Variants in LDAH observed in about 807,000 individuals in gnomAD.
LDAH encodes lipid droplet-associated hydrolase.
Under a neutral mutation model 29.6 loss-of-function variants are expected in LDAH, and 26 were observed. The observed-to-expected ratio is 0.88, with a 90% CI of 0.64 to 1.22. The LOEUF (loss-of-function observed/expected upper bound fraction) is 1.22, where lower values mean the gene tolerates loss of function less well. LDAH is among the 50% of genes most tolerant of loss of function. The probability of loss-of-function intolerance (pLI) is 0.00; values close to 1 mark genes in which losing one functional copy is unlikely to be tolerated. For missense variants in LDAH, 344 were observed against 387.3 expected (o/e 0.89, Z 0.94); for synonymous variants, 117 against 133.0 (o/e 0.88, Z 0.83).
chr2:20,806,603 C>G (rs1166528115), intron 1 of LDAH, among the ~76,000 whole-genome samples: 4 of 151,628 alleles, frequency 2.6e-5, no homozygotes, highest in Non-Finnish European at 5.9e-5. Context: ...CCATTGAGAA[C>G]AATTAGAAAA....
chr2:20,684,646 C>G lies in LDAH; in HGVS notation c.*2257G>C. 1 of 403,018 alleles carries G rather than the reference C, an allele frequency of 2.5e-6. No individual in the cohort carries two copies. The highest frequency in any genetic ancestry group is 4.4e-6 in the Non-Finnish European group (1 of 227,616). 25.0% of individuals were successfully genotyped at this position (403,018 alleles called of 1,614,324 possible). A position where few individuals can be genotyped will look rare whatever the true frequency, so the allele number is the denominator to read the frequency against. ...CGTATGGTGAGAGGCCCTTGGTGGC[C>G]ATGGACATCAGGCCACACAAGCCAC... On this transcript the variant is annotated 3_prime_UTR_variant, in exon 7 of 7. Coordinates refer to ENST00000237822, the MANE Select transcript of LDAH (RefSeq NM_021925.4).
intron 1 of LDAH, among the ~76,000 whole-genome samples, chr2:20,817,234 A>G (rs369435248): frequency 6.6e-6 from 1 of 152,118 alleles, no homozygotes; most frequent in African/African-American, 2.4e-5. Flanking sequence ...AAAAATAGAC[A>G]AAGATGAAAT....
downstream of LDAH, among the ~76,000 whole-genome samples, chr2:20,682,720 G>T (rs931193571): frequency 5.9e-5 from 9 of 152,198 alleles, no homozygotes; most frequent in African/African-American, 7.2e-5. Context: ...GACACTTCCT[G>T]TTAGGACCCA....
rs76314044 is a variant in LDAH at position 20,776,236 on chromosome 2, T to G, written c.299-1257A>C. On this transcript the variant is annotated intron_variant, in intron 3 of 6. Coordinates refer to ENST00000237822, the MANE Select transcript of LDAH (RefSeq NM_021925.4). Reference sequence around the variant, plus strand: ...CTGTTTTGTTTGTATATGGTTTTTTTTGTGTGTGTGTGTGCTCATCTCCCC... The same window carrying G: ...CTGTTTTGTTTGTATATGGTTTTTTGTGTGTGTGTGTGTGCTCATCTCCCC... 4.3e-3 allele frequency among the ~76,000 whole-genome samples: 651 copies of G among 152,080 alleles called. 10 individuals are homozygous for G. Among genetic ancestry groups the G allele is most frequent in the Admixed American group, 0.025 (380 of 15,264 alleles).
At chr2:20,694,067 A>G (rs1215401584) in intron 6 of LDAH, among the ~76,000 whole-genome samples, 2 of 152,276 alleles carry the variant, frequency 1.3e-5, no homozygotes. Flanking sequence ...TTGTTTGTGA[A>G]AAAAGCAAAA....
intron 4 of LDAH, among the ~76,000 whole-genome samples, chr2:20,764,784 G>A (rs911951085): frequency 3.5e-4 from 53 of 152,196 alleles, no homozygotes; most frequent in Non-Finnish European, 8.8e-5. Flanking sequence ...CAGGTAGTGG[G>A]AAAGTTAGAA....
At chr2:20,804,973 CT>C (rs1265138589) in intron 1 of LDAH, among the ~76,000 whole-genome samples, 3 of 152,104 alleles carry the variant, frequency 2.0e-5, no homozygotes, top group African/African-American at 7.2e-5. Flanking sequence ...AAGTTCTGAC[CT>C]TTATAATGTG....
chr2:20,810,308 C>T (rs1672380597), intron 1 of LDAH, among the ~76,000 whole-genome samples: 1 of 152,214 alleles, frequency 6.6e-6, no homozygotes, highest in South Asian at 2.1e-4. Context: ...GCTACTTAAG[C>T]TTCTTCAGAA....
chr2:20,686,660 G>T lies in LDAH; in HGVS notation c.*243C>A. The T allele has an allele frequency of 3.3e-6, 1 of 304,224 alleles. No individual in the cohort carries two copies. The allele number at this position is 304,224 out of a possible 1,614,324, so 18.8% of individuals were successfully genotyped here. ...CACTGGGCATCTTGTGCAAACACAA[G>T]ACTCTGTGTAGATCACTGTGTTCCC... On this transcript the variant is annotated 3_prime_UTR_variant, in exon 7 of 7. Transcript: ENST00000237822.
At chr2:20,769,479 C>T (rs187839928) in intron 4 of LDAH, among the ~76,000 whole-genome samples, 2 of 152,316 alleles carry the variant, frequency 1.3e-5, no homozygotes, top group Admixed American at 1.3e-4. Context: ...TTCTTACAAG[C>T]ATGTCTTACT....
chr2:20,817,617 C>T (rs1672938534), intron 1 of LDAH, among the ~76,000 whole-genome samples: 2 of 152,058 alleles, frequency 1.3e-5, no homozygotes, highest in Non-Finnish European at 2.9e-5. Context: ...AGTATTAATT[C>T]ACTAAACATA....
downstream of LDAH, among the ~76,000 whole-genome samples, chr2:20,683,652 A>G (rs1166368062): frequency 6.6e-6 from 1 of 152,248 alleles, no homozygotes; most frequent in African/African-American, 2.4e-5. Flanking sequence ...CAAAATGCTG[A>G]CTGCTAGAAT....
intron 4 of LDAH, among the ~76,000 whole-genome samples, chr2:20,751,963 C>T (rs988029300): frequency 6.6e-6 from 1 of 152,136 alleles, no homozygotes; most frequent in African/African-American, 2.4e-5. Flanking sequence ...ATGATAACAG[C>T]TCACAGCAGC....
At chr2:20,812,695 A>G (rs1042137104) in intron 1 of LDAH, among the ~76,000 whole-genome samples, 1 of 152,250 alleles carries the variant, frequency 6.6e-6, no homozygotes, top group South Asian at 2.1e-4. Flanking sequence ...AACAGGCATT[A>G]ACTAAGACAT....
chr2:20,762,916 A>G (rs1269106852), intron 4 of LDAH, among the ~76,000 whole-genome samples: 3 of 152,220 alleles, frequency 2.0e-5, no homozygotes, highest in South Asian at 2.1e-4. Context: ...AATACAGACC[A>G]TGGAGTTTGC....
chr2:20,771,797 ACC>A (rs1669451252), intron 4 of LDAH, among the ~76,000 whole-genome samples: 1 of 1,614 alleles, frequency 6.2e-4, no homozygotes, highest in Admixed American at 8.5e-3. Flanking sequence ...TCTAGCTTAC[ACC>A]CTTTGGACAA....
Position 20,794,598 on chromosome 2 carries a change from A to G in LDAH, c.155-4200T>C, listed in dbSNP as rs148061510. On this transcript the variant is annotated intron_variant, in intron 2 of 6. Coordinates refer to ENST00000237822, the MANE Select transcript of LDAH (RefSeq NM_021925.4). ...GAATGCTGGATTGGTTTAACATTCAAAAATTAACATCATCCACCACATTAA... is the reference window on the plus strand; with the variant it reads ...GAATGCTGGATTGGTTTAACATTCAGAAATTAACATCATCCACCACATTAA... Among the ~76,000 whole-genome samples the G allele has an allele frequency of 2.9e-3, 447 of 152,282 alleles. 4 individuals carry two copies. The highest frequency in any genetic ancestry group is 0.01 in the African/African-American group (423 of 41,566).
intron 6 of LDAH, 86 bp downstream of exon 6, chr2:20,701,484 C>T (rs1052254769): frequency 8.3e-6 from 9 of 1,085,428 alleles, no homozygotes; most frequent in Non-Finnish European, 1.1e-5. Context: ...TAAAGTCTTA[C>T]AGATTCTAAC....
At chr2:20,731,371 C>G (rs1008797593) in intron 5 of LDAH, among the ~76,000 whole-genome samples, 1 of 152,210 alleles carries the variant, frequency 6.6e-6, no homozygotes, top group Non-Finnish European at 1.5e-5. Flanking sequence ...CAGTCCCGCT[C>G]CTCCCATGTT....
Sources: gnomAD v4.1 joint callset for allele counts (sites outside exome capture counted in the v4.1 genomes callset) on GRCh38, gnomAD v4.1.1 for gene constraint, MANE v1.5 for transcripts, NCBI Gene and HGNC (gene_info 2026-07-23, HGNC 2026-07-21) for gene names.